The following DENND5B variants were observed in gnomAD, a reference collection of about 807,000 sequenced individuals.
The protein encoded by DENND5B is DENN domain-containing protein 5B.
A neutral mutation model predicts 140.6 loss-of-function variants in DENND5B; 34 were observed. The observed-to-expected ratio is 0.24, with a 90% CI of 0.18 to 0.32. DENND5B has a LOEUF of 0.32. Ranked by LOEUF, DENND5B falls within the 10% of genes least tolerant of loss-of-function variation. The pLI, the probability that DENND5B is intolerant of heterozygous loss-of-function variation, is 1.00. For synonymous variants in DENND5B, 551 were observed against 562.1 expected, an observed-to-expected ratio of 0.98 and a Z score of 0.28; for missense variants, 1,142 against 1,560.2, an observed-to-expected ratio of 0.73 and a Z score of 4.52.
chr12:31,553,879 T>C (rs1445933415), intron 1 of DENND5B, among the ~76,000 whole-genome samples: 1 of 152,216 alleles, frequency 6.6e-6, no homozygotes, highest in Non-Finnish European at 1.5e-5. Flanking sequence ...GAGACTAGGA[T>C]TGCAACCCCT....
intron 11 of DENND5B, among the ~76,000 whole-genome samples, chr12:31,416,520 T>G (rs554896889): frequency 6.6e-6 from 1 of 151,890 alleles, no homozygotes; most frequent in East Asian, 2.0e-4. Context: ...CGCCTTGGCC[T>G]CCCAAAGTGC....
chr12:31,526,804 G>A (rs1337052553), intron 1 of DENND5B, among the ~76,000 whole-genome samples: 1 of 152,200 alleles, frequency 6.6e-6, no homozygotes, highest in African/African-American at 2.4e-5. Context: ...GGAGAAACTG[G>A]GTGAAGGGTA....
At chr12:31,398,118 A>G in intron 17 of DENND5B, 57 bp downstream of exon 17, 1 of 1,463,360 alleles carries the variant, frequency 6.8e-7, no homozygotes, top group Non-Finnish European at 9.2e-7. Context: ...TTTCTATCAA[A>G]TGGTCACATG....
At chr12:31,539,889 A>G (rs538863455) in intron 1 of DENND5B, among the ~76,000 whole-genome samples, 1 of 152,284 alleles carries the variant, frequency 6.6e-6, no homozygotes, top group East Asian at 1.9e-4. Flanking sequence ...GCAATCAGAC[A>G]AGAGAAAGAT....
At chr12:31,413,786 G>C (rs921303155) in intron 12 of DENND5B, among the ~76,000 whole-genome samples, 1 of 152,174 alleles carries the variant, frequency 6.6e-6, no homozygotes, top group African/African-American at 2.4e-5. Flanking sequence ...GGACAATGTG[G>C]TAAGATAAAG....
At chr12:31,478,867 A>C (rs975626223) in intron 3 of DENND5B, among the ~76,000 whole-genome samples, 3 of 152,246 alleles carry the variant, frequency 2.0e-5, no homozygotes, top group Non-Finnish European at 4.4e-5. Flanking sequence ...GTCTAGGCTC[A>C]GCATTAGTCT....
At chr12:31,417,921 G>A (rs1032739179) in intron 11 of DENND5B, among the ~76,000 whole-genome samples, 6 of 152,166 alleles carry the variant, frequency 3.9e-5, no homozygotes, top group African/African-American at 1.4e-4. Context: ...TTGGGGGGCT[G>A]GGATACAATA....
At chr12:31,407,122 T>C (rs1291398590) in intron 14 of DENND5B, among the ~76,000 whole-genome samples, 1 of 151,162 alleles carries the variant, frequency 6.6e-6, no homozygotes, top group African/African-American at 2.4e-5. Flanking sequence ...TTAAATTAAT[T>C]AATTAATTTA....
intron 1 of DENND5B, among the ~76,000 whole-genome samples, chr12:31,500,224 C>G (rs997944319): frequency 6.6e-6 from 1 of 151,860 alleles, no homozygotes; most frequent in Non-Finnish European, 1.5e-5. Context: ...GACAGTAAGA[C>G]TAAATGACCA....
intron 1 of DENND5B, among the ~76,000 whole-genome samples, chr12:31,520,099 C>T (rs1229827045): frequency 2.6e-5 from 4 of 152,146 alleles, no homozygotes; most frequent in Admixed American, 6.6e-5. Context: ...TTCAAATAAG[C>T]TTTTTCTCTA....
chr12:31,455,422 G>C (rs1318213666), intron 4 of DENND5B, among the ~76,000 whole-genome samples: 2 of 152,130 alleles, frequency 1.3e-5, no homozygotes, highest in East Asian at 3.9e-4. Context: ...CTTAAGAAGG[G>C]CCCAAGCTGG....
intron 3 of DENND5B, among the ~76,000 whole-genome samples, chr12:31,463,428 A>G (rs1565604433): frequency 6.6e-6 from 1 of 152,180 alleles, no homozygotes; most frequent in Non-Finnish European, 1.5e-5. Flanking sequence ...GGGGCCTTTT[A>G]TATTCTTGTA....
At chr12:31,537,349 T>TA (rs1948538986) in intron 1 of DENND5B, among the ~76,000 whole-genome samples, 1 of 152,186 alleles carries the variant, frequency 6.6e-6, no homozygotes, top group Admixed American at 6.5e-5. Context: ...GAGTTTTTAT[T>TA]AGTTTTCTTT....
intron 4 of DENND5B, among the ~76,000 whole-genome samples, chr12:31,455,437 T>C (rs1944726834): frequency 6.6e-6 from 1 of 152,172 alleles, no homozygotes; most frequent in African/African-American, 2.4e-5. Context: ...AGCTGGGGCT[T>C]TGATTATCTC....
chr12:31,547,048 G>A (rs1948887685), intron 1 of DENND5B, among the ~76,000 whole-genome samples: 1 of 152,106 alleles, frequency 6.6e-6, no homozygotes, highest in Admixed American at 6.6e-5. Context: ...TAGCCATTAC[G>A]CTTTTTTCCT....
chr12:31,546,284 T>A (rs1287512901), intron 1 of DENND5B, among the ~76,000 whole-genome samples: 3 of 152,122 alleles, frequency 2.0e-5, no homozygotes. Context: ...CTATAACCAT[T>A]TTCTGAACAT....
At chr12:31,546,130 T>A (rs948282145) in intron 1 of DENND5B, among the ~76,000 whole-genome samples, 1 of 152,034 alleles carries the variant, frequency 6.6e-6, no homozygotes, top group Non-Finnish European at 1.5e-5. Context: ...TCTGTGATTT[T>A]AAAAATTCTT....
chr12:31,584,411 G>C (rs1239864419), intron 1 of DENND5B, among the ~76,000 whole-genome samples: 1 of 152,208 alleles, frequency 6.6e-6, no homozygotes, highest in Non-Finnish European at 1.5e-5. Context: ...TCACTATAAA[G>C]AGTTTTATTT....
chr12:31,576,140 C>T (rs1197808586), intron 1 of DENND5B, among the ~76,000 whole-genome samples: 1 of 38,014 alleles, frequency 2.6e-5, no homozygotes, highest in Non-Finnish European at 4.3e-5. Context: ...GGCTCTGTCT[C>T]CAAAAAAAAA....
Sources: gnomAD v4.1 joint callset for allele counts (sites outside exome capture counted in the v4.1 genomes callset) on GRCh38, gnomAD v4.1.1 for gene constraint, MANE v1.5 for transcripts, NCBI Gene and HGNC (gene_info 2026-07-23, HGNC 2026-07-21) for gene names.